Variants in SLC6A6 observed in about 807,000 individuals in gnomAD.
The protein encoded by SLC6A6 is solute carrier family 6 member 6, also known as sodium- and chloride-dependent taurine transporter.
In SLC6A6, 16 loss-of-function variants were observed where a neutral mutation model predicts 68.8. That is an observed-to-expected ratio of 0.23 (90% CI 0.16 to 0.35). SLC6A6 has a LOEUF of 0.35. Ranked by LOEUF, SLC6A6 falls within the 10% of genes least tolerant of loss-of-function variation. The pLI is 1.00. For missense variants in SLC6A6, 474 were observed against 802.8 expected, an observed-to-expected ratio of 0.59 and a Z score of 4.95; for synonymous variants, 312 against 315.4, an observed-to-expected ratio of 0.99 and a Z score of 0.12.
chr3:14,479,271 C>T (rs1700954400), intron 13 of SLC6A6, 86 bp downstream of exon 13: 7 of 880,390 alleles, frequency 8.0e-6, no homozygotes, highest in Non-Finnish European at 1.4e-5. Context: ...TTTCATGCAG[C>T]ATCTGTTCAG....
chr3:14,409,557 C>T (rs1478682921), intron 1 of SLC6A6, among the ~76,000 whole-genome samples: 6 of 152,240 alleles, frequency 3.9e-5, no homozygotes, highest in South Asian at 2.1e-4. Context: ...ACTGACCGCA[C>T]GGCAAACGTT....
chr3:14,403,967 G>A (rs762288937), intron 1 of SLC6A6, among the ~76,000 whole-genome samples: 13 of 152,296 alleles, frequency 8.5e-5, no homozygotes, highest in Admixed American at 3.3e-4. Flanking sequence ...GCATCCCCAG[G>A]ACCAGCCCCA....
chr3:14,432,209 A>G (rs1323059888), intron 2 of SLC6A6, among the ~76,000 whole-genome samples: 1 of 152,232 alleles, frequency 6.6e-6, no homozygotes, highest in Non-Finnish European at 1.5e-5. Flanking sequence ...TACAGCTTAA[A>G]AGGAGAAGGT....
chr3:14,446,251 T>C (rs1198775111), intron 4 of SLC6A6, among the ~76,000 whole-genome samples: 1 of 152,222 alleles, frequency 6.6e-6, no homozygotes, highest in Non-Finnish European at 1.5e-5. Flanking sequence ...AATAGCAGTA[T>C]GGCCTTTGCA....
At chr3:14,431,683 T>G (rs751459329) in intron 2 of SLC6A6, among the ~76,000 whole-genome samples, 13 of 152,102 alleles carry the variant, frequency 8.5e-5, no homozygotes, top group Non-Finnish European at 1.8e-4. Flanking sequence ...CAGAACACAG[T>G]GGGCACCGGT....
At chr3:14,406,619 G>T (rs544890476) in intron 1 of SLC6A6, among the ~76,000 whole-genome samples, 1 of 152,332 alleles carries the variant, frequency 6.6e-6, no homozygotes, top group South Asian at 2.1e-4. Flanking sequence ...CACAGCCCTA[G>T]TGTCTCTAGG....
intron 2 of SLC6A6, among the ~76,000 whole-genome samples, chr3:14,422,267 G>C (rs74491071): frequency 8.5e-5 from 13 of 152,214 alleles, no homozygotes; most frequent in Middle Eastern, 3.4e-3. Context: ...CCAAATGCCC[G>C]CAGGGACCCT....
Position 14,477,332 on chromosome 3 carries a change from T to C in SLC6A6, c.1337T>C (p.Met446Thr). 1.2e-6 allele frequency: 2 copies of C among 1,614,132 alleles called. No homozygotes were observed. Among genetic ancestry groups the C allele is most frequent in the Admixed American group, 1.7e-5 (1 of 60,018 alleles). ...CSISYLLGLT[M>T]VTEGGMYVFQ... ...ATCAGCTACCTGCTGGGGCTGACGA[T>C]GGTGACGGAGGTAGGTGGCTCTCTC... is the stretch of plus-strand genomic sequence containing the variant. The change falls in exon 11 of 15, where the codon ATG (methionine) becomes ACG (threonine). Residue 446 changes from methionine to threonine, a missense_variant. By Grantham distance (81) the Met-to-Thr change is moderately conservative. Transcript: ENST00000622186. This position sits in a 1 kb window ranked among gnomAD's most constrained non-coding sequence, Gnocchi z 4.2.
chr3:14,414,490 G>T (rs77950020), intron 1 of SLC6A6, among the ~76,000 whole-genome samples: 4,114 of 152,176 alleles, frequency 0.027, 194 homozygotes, highest in African/African-American at 0.092. Flanking sequence ...ATGGGTGCCA[G>T]CAGGCTAGAC....
chr3:14,407,134 C>T (rs1015105494), intron 1 of SLC6A6, among the ~76,000 whole-genome samples: 2 of 151,704 alleles, frequency 1.3e-5, no homozygotes, highest in African/African-American at 2.4e-5. Context: ...ACTGCAGCCT[C>T]GATCTCCTGG....
intron 1 of SLC6A6, among the ~76,000 whole-genome samples, chr3:14,409,727 G>C (rs1472045374): frequency 4.6e-5 from 7 of 152,242 alleles, no homozygotes. Context: ...GATCCAGTCT[G>C]GGAACGCCGC....
chr3:14,436,214 T>G (rs938769873), intron 2 of SLC6A6, among the ~76,000 whole-genome samples: 1 of 152,174 alleles, frequency 6.6e-6, no homozygotes, highest in Non-Finnish European at 1.5e-5. Context: ...TTTTTCATCT[T>G]TTTAGAAACA....
At chr3:14,436,252 G>A (rs1699848461) in intron 2 of SLC6A6, among the ~76,000 whole-genome samples, 1 of 152,154 alleles carries the variant, frequency 6.6e-6, no homozygotes, top group South Asian at 2.1e-4. Context: ...CCAGCCTGGA[G>A]TGAGGTGGCA....
chr3:14,408,629 T>C (rs1328108475), intron 1 of SLC6A6, among the ~76,000 whole-genome samples: 1 of 152,186 alleles, frequency 6.6e-6, no homozygotes, highest in African/African-American at 2.4e-5. Context: ...CTCTTTTTAA[T>C]ATAAGGTTAT....
In SLC6A6 at chr3:14,457,994, C is replaced by G. The variant is rs377494450; in HGVS notation, c.644C>G (p.Ser215Cys). ...TCCCCTGGAATCGACCACCCAGGCT[C>G]TCTGAAATGGGACCTCGCTCTCTGC... ...SLSPGIDHPG[S>C]LKWDLALCLL... Residue 215 changes from serine to cysteine, a missense_variant, in exon 6 of 15, where the codon TCT (serine) becomes TGT (cysteine). Ser to Cys is a moderately radical substitution (Grantham distance 112). Coordinates refer to ENST00000622186, the MANE Select transcript of SLC6A6 (RefSeq NM_003043.6). 2 of 1,614,062 alleles carry G rather than the reference C, an allele frequency of 1.2e-6. No homozygotes were observed. Among genetic ancestry groups the G allele is most frequent in the African/African-American group, 2.7e-5 (2 of 75,050 alleles).
intron 4 of SLC6A6, 85 bp from the exon 5 acceptor site, chr3:14,447,497 T>TA: frequency 6.4e-7 from 1 of 1,563,088 alleles, no homozygotes; most frequent in Non-Finnish European, 8.7e-7. Context: ...GGCCTGGGGA[T>TA]ACCATGGCCT....
At chr3:14,456,233 TATC>T (rs1262911414) in intron 5 of SLC6A6, among the ~76,000 whole-genome samples, 3 of 152,352 alleles carry the variant, frequency 2.0e-5, no homozygotes, top group East Asian at 3.9e-4. Context: ...CCATCAGCAT[TATC>T]ATGTTGACAT....
chr3:14,408,004 C>T (rs190162838), intron 1 of SLC6A6, among the ~76,000 whole-genome samples: 5 of 151,784 alleles, frequency 3.3e-5, no homozygotes, highest in East Asian at 1.9e-4. Flanking sequence ...TTCCACAATG[C>T]GTTCATCCAT....
Position 14,485,066 on chromosome 3 carries a change from A to G in SLC6A6, c.*59A>G, listed in dbSNP as rs1478721695. 4 of 1,457,518 alleles carry G rather than the reference A, an allele frequency of 2.7e-6. No individual in the cohort carries two copies. Among genetic ancestry groups the G allele is most frequent in the Non-Finnish European group, 3.7e-6 (4 of 1,067,824 alleles). The allele number at this position is 1,457,518 out of a possible 1,614,324, so 90.3% of individuals were successfully genotyped here. A position where few individuals can be genotyped will look rare whatever the true frequency, so the allele number is the denominator to read the frequency against. On this transcript the variant is annotated 3_prime_UTR_variant, in exon 15 of 15. Coordinates refer to ENST00000622186, the MANE Select transcript of SLC6A6 (RefSeq NM_003043.6). ...TGCTGTTTACTAACATTAGATTCTC[A>G]TAGGACCAGGTTTACAGAGCTTTAT... is the stretch of plus-strand genomic sequence containing the variant.
Sources: gnomAD v4.1 joint callset for allele counts (sites outside exome capture counted in the v4.1 genomes callset) on GRCh38, gnomAD v4.1.1 for gene constraint, Gnocchi (gnomAD v3.1) non-coding constraint, MANE v1.5 for transcripts, NCBI Gene and HGNC (gene_info 2026-07-23, HGNC 2026-07-21) for gene names.